HYDIN: variants seen among roughly 807,000 people sequenced by gnomAD.
The protein encoded by HYDIN is HYDIN axonemal central pair apparatus protein.
HYDIN carries 132 observed loss-of-function variants against 403.9 expected under a neutral mutation model. That is an observed-to-expected ratio of 0.33 (90% CI 0.28 to 0.38). HYDIN has a LOEUF of 0.38. Among genes scored for constraint, HYDIN ranks in the 10% least tolerant of loss-of-function variants. The pLI, the probability that HYDIN is intolerant of heterozygous loss-of-function variation, is 1.00. For missense variants in HYDIN, 2,827 were observed against 5,009.5 expected, an observed-to-expected ratio of 0.56 and a Z score of 13.15; for synonymous variants, 1,202 against 1,891.7, an observed-to-expected ratio of 0.64 and a Z score of 9.46.
chr16:70,888,834 A>G (rs907196211), intron 58 of HYDIN, among the ~76,000 whole-genome samples: 1 of 152,240 alleles, frequency 6.6e-6, no homozygotes, highest in Non-Finnish European at 1.5e-5. Flanking sequence ...GTGGGACCAA[A>G]TATTTTTCTT....
chr16:71,005,666 A>T (rs1266708129), intron 23 of HYDIN, among the ~76,000 whole-genome samples: 1 of 152,124 alleles, frequency 6.6e-6, no homozygotes, highest in East Asian at 1.9e-4. Flanking sequence ...TAATTCTTAA[A>T]TAGTAATTAG....
chr16:71,211,448 G>T (rs563059237), intron 1 of HYDIN, among the ~76,000 whole-genome samples: 116 of 151,606 alleles, frequency 7.7e-4, no homozygotes, highest in Admixed American at 1.7e-3. Context: ...AGACCATCCT[G>T]GCTAACAAGG....
intron 1 of HYDIN, among the ~76,000 whole-genome samples, chr16:71,220,850 T>C (rs1263681084): frequency 6.6e-6 from 1 of 152,218 alleles, no homozygotes; most frequent in African/African-American, 2.4e-5. Context: ...TAGGTTATGC[T>C]GGTTTGTTTG....
At chr16:71,138,874 G>A (rs12373111) in intron 7 of HYDIN, among the ~76,000 whole-genome samples, 1 of 152,002 alleles carries the variant, frequency 6.6e-6, no homozygotes, top group South Asian at 2.1e-4. Context: ...ACCCGAGGTC[G>A]GGAGTTCAAG....
chr16:70,949,994 C>T (rs925541929), intron 41 of HYDIN, among the ~76,000 whole-genome samples: 3 of 151,526 alleles, frequency 2.0e-5, no homozygotes, highest in African/African-American at 7.3e-5. Context: ...GAACACTATA[C>T]TGGATCCTGG....
At chr16:71,053,130 C>T (rs1217995552) in intron 18 of HYDIN, among the ~76,000 whole-genome samples, 1 of 151,960 alleles carries the variant, frequency 6.6e-6, no homozygotes, top group Non-Finnish European at 1.5e-5. Flanking sequence ...ATTAAAACTA[C>T]ATAAGATATC....
intron 69 of HYDIN, among the ~76,000 whole-genome samples, chr16:70,861,134 C>A (rs1250715282): frequency 6.6e-6 from 1 of 152,026 alleles, no homozygotes; most frequent in East Asian, 1.9e-4. Flanking sequence ...GTTACTTCCC[C>A]CATCAATGTT....
chr16:70,835,418 T>C (rs2143523928), intron 78 of HYDIN, among the ~76,000 whole-genome samples: 1 of 152,098 alleles, frequency 6.6e-6, no homozygotes, highest in South Asian at 2.1e-4. Context: ...CAAATGACAA[T>C]GAATGACATG....
chr16:71,165,326 A>G (rs2158103), intron 5 of HYDIN, among the ~76,000 whole-genome samples: 9 of 151,550 alleles, frequency 5.9e-5, no homozygotes, highest in East Asian at 3.9e-4. Flanking sequence ...CTACTTATTC[A>G]TGGTGCTCAC....
At chr16:71,194,800 G>T (rs2087610281) in intron 1 of HYDIN, among the ~76,000 whole-genome samples, 1 of 152,236 alleles carries the variant, frequency 6.6e-6, no homozygotes, top group South Asian at 2.1e-4. Context: ...GGTTGACTAA[G>T]GTTGGAGAAT....
At chr16:70,868,861 C>G in intron 65 of HYDIN, 73 bp from the exon 66 acceptor site, 20 of 1,469,526 alleles carry the variant, frequency 1.4e-5, no homozygotes, top group Non-Finnish European at 1.8e-5. Context: ...TGGTGATATT[C>G]TAGAGAAGGG....
chr16:70,931,810 T>C (rs2077344179), intron 45 of HYDIN, among the ~76,000 whole-genome samples: 1 of 150,604 alleles, frequency 6.6e-6, no homozygotes, highest in African/African-American at 2.4e-5. Flanking sequence ...AGGTCAGGAG[T>C]TCAAGACCAG....
At chr16:70,947,977 A>G (rs1180958663) in intron 41 of HYDIN, among the ~76,000 whole-genome samples, 1 of 151,536 alleles carries the variant, frequency 6.6e-6, no homozygotes, top group Non-Finnish European at 1.5e-5. Flanking sequence ...ATATGGAACC[A>G]AAAAAGAGCC....
chr16:71,101,568 G>C (rs1329425703), intron 10 of HYDIN, among the ~76,000 whole-genome samples: 1 of 147,638 alleles, frequency 6.8e-6, no homozygotes, highest in East Asian at 2.0e-4. Context: ...CAAATGGCCA[G>C]CCAATATAAC....
chr16:70,980,420 T>A lies in HYDIN; in HGVS notation c.4510+971A>T, dbSNP rs937383398. 2.0e-4 allele frequency among the ~76,000 whole-genome samples: 31 copies of A among 151,584 alleles called. No homozygotes were observed. In the Middle Eastern group the frequency reaches 0.014, roughly 67 times the overall value. On this transcript the variant is annotated intron_variant, in intron 29 of 85. Coordinates refer to ENST00000393567, the MANE Select transcript of HYDIN (RefSeq NM_001270974.2). Reference sequence around the variant, plus strand: ...TCCTCAAGAAGCTGAAGCGGGAGGATCCCTTGAGCCTAAGAGTTAAGATTA... The same window carrying A: ...TCCTCAAGAAGCTGAAGCGGGAGGAACCCTTGAGCCTAAGAGTTAAGATTA...
intron 1 of HYDIN, among the ~76,000 whole-genome samples, chr16:71,200,430 A>G (rs142479952): frequency 6.6e-6 from 1 of 152,322 alleles, no homozygotes; most frequent in Non-Finnish European, 1.5e-5. Flanking sequence ...GTCTACTGAG[A>G]GCATGGCTTA....
At chr16:71,199,764 T>C (rs2087891161) in intron 1 of HYDIN, among the ~76,000 whole-genome samples, 1 of 152,256 alleles carries the variant, frequency 6.6e-6, no homozygotes, top group Middle Eastern at 3.4e-3. Context: ...CCTAAAGAAC[T>C]TTCCAATTCA....
chr16:70,854,321 G>A (rs1165436216), intron 73 of HYDIN, among the ~76,000 whole-genome samples: 1 of 148,924 alleles, frequency 6.7e-6, no homozygotes, highest in African/African-American at 2.5e-5. Context: ...TGCAACCTCT[G>A]CCTCCTGGGT....
intron 58 of HYDIN, among the ~76,000 whole-genome samples, chr16:70,884,814 TG>T (rs1459060142): frequency 6.6e-6 from 1 of 152,234 alleles, no homozygotes; most frequent in Non-Finnish European, 1.5e-5. Flanking sequence ...TAGAATGTGC[TG>T]ACAATGCAGT....
Sources: allele counts gnomAD v4.1 joint callset (sites outside exome capture counted in the v4.1 genomes callset), GRCh38; gene constraint gnomAD v4.1.1; transcripts MANE v1.5; gene names NCBI Gene and HGNC (gene_info 2026-07-23, HGNC 2026-07-21).